The following GLYATL3 variants were observed in gnomAD, a reference collection of about 807,000 sequenced individuals.
GLYATL3 encodes glycine N-acyltransferase-like protein 3.
Under a neutral mutation model 28.5 loss-of-function variants are expected in GLYATL3, and 31 were observed. The ratio of observed to expected loss-of-function variants is 1.09; its 90% CI spans 0.82 to 1.47. The LOEUF (loss-of-function observed/expected upper bound fraction) is 1.47. Among genes scored for constraint, GLYATL3 ranks in the 40% most tolerant of loss-of-function variants. The pLI, the probability that GLYATL3 is intolerant of heterozygous loss-of-function variation, is 0.00. For synonymous variants in GLYATL3, 141 were observed against 140.2 expected, an observed-to-expected ratio of 1.01 and a Z score of -0.04; for missense variants, 369 against 351.5, an observed-to-expected ratio of 1.05 and a Z score of -0.40.
chr6:49,522,252 T>C (rs541725929), intron 5 of GLYATL3, among the ~76,000 whole-genome samples: 8 of 152,276 alleles, frequency 5.3e-5, no homozygotes, highest in African/African-American at 1.9e-4. Context: ...AGGACTATTA[T>C]TATTGCCCCT....
chr6:49,515,602 A>G (rs2127432752), intron 2 of GLYATL3, 51 bp from the exon 3 acceptor site: 3 of 1,015,056 alleles, frequency 3.0e-6, no homozygotes, highest in East Asian at 5.2e-5. Context: ...ATAATATGTG[A>G]GTGAAACAGC....
chr6:49,507,031 G>A (rs777809803), intron 1 of GLYATL3, among the ~76,000 whole-genome samples: 21 of 152,104 alleles, frequency 1.4e-4, no homozygotes, highest in Non-Finnish European at 1.8e-4. Context: ...AGGGGGCAAC[G>A]GCTTAGTAGA....
Position 49,512,079 on chromosome 6 carries a change from A to G in GLYATL3, c.78+11A>G. The G allele has an allele frequency of 9.2e-7, 1 of 1,082,934 alleles. No homozygotes were observed. Among genetic ancestry groups the G allele is most frequent in the Non-Finnish European group, 1.4e-6 (1 of 738,476 alleles). The allele number at this position is 1,082,934 out of a possible 1,614,324, so 67.1% of individuals were successfully genotyped here. A position where few individuals can be genotyped will look rare whatever the true frequency, so the allele number is the denominator to read the frequency against. ...CCTGAATCACTCAAGGTACCATAAA[A>G]TTAATAATTTTATTTTATTTCTTTA... On this transcript the variant is annotated intron_variant, in intron 2 of 5. Coordinates refer to ENST00000371197, the MANE Select transcript of GLYATL3 (RefSeq NM_001010904.2).
chr6:49,505,477 T>C (rs1338311871), intron 1 of GLYATL3, among the ~76,000 whole-genome samples: 4 of 152,202 alleles, frequency 2.6e-5, no homozygotes, highest in African/African-American at 4.8e-5. Context: ...ATAACCTGCC[T>C]TTCCATTACT....
rs1023757811 is a variant in GLYATL3, at chr6:49,526,533, G to C, written c.486G>C (p.Ala162=). 1.3e-6 allele frequency: 2 copies of C among 1,551,710 alleles called. No homozygotes were observed. The highest frequency in any genetic ancestry group is 3.9e-5 in the Admixed American group (2 of 51,000). Residue 162 remains alanine (A), a synonymous_variant, in exon 6 of 6, where the codon GCG becomes GCC. Transcript: ENST00000371197. ...PRLTYLSVAN[A]DLLNRTWSRG... Reference sequence around the variant, plus strand: ...TAACCTACCTGAGTGTTGCCAATGCGGATCTACTCAACCGGACTTGGTCCC... The same window carrying C: ...TAACCTACCTGAGTGTTGCCAATGCCGATCTACTCAACCGGACTTGGTCCC...
At chr6:49,519,167 G>T (rs1769271133) in intron 4 of GLYATL3, among the ~76,000 whole-genome samples, 1 of 152,130 alleles carries the variant, frequency 6.6e-6, no homozygotes, top group Admixed American at 6.6e-5. Flanking sequence ...GTAATAATTG[G>T]ATGGATCTTG....
intron 1 of GLYATL3, among the ~76,000 whole-genome samples, chr6:49,504,430 C>T (rs1010156121): frequency 1.3e-5 from 2 of 151,996 alleles, no homozygotes; most frequent in African/African-American, 4.8e-5. Flanking sequence ...TAAAATAGAG[C>T]CTTTTGACCG....
intron 4 of GLYATL3, among the ~76,000 whole-genome samples, chr6:49,519,118 G>A (rs542827819): frequency 7.2e-5 from 11 of 152,010 alleles, no homozygotes; most frequent in Non-Finnish European, 1.5e-4. Flanking sequence ...ACTTTAACAT[G>A]GAAATGAATA....
chr6:49,517,835 A>G (rs1769244984), intron 4 of GLYATL3, among the ~76,000 whole-genome samples: 2 of 152,130 alleles, frequency 1.3e-5, no homozygotes, highest in Admixed American at 1.3e-4. Context: ...TTTTTCTACT[A>G]TTACTGTAAT....
At chr6:49,501,140 C>T (rs1768904804) in intron 1 of GLYATL3, among the ~76,000 whole-genome samples, 1 of 152,120 alleles carries the variant, frequency 6.6e-6, no homozygotes, top group African/African-American at 2.4e-5. Flanking sequence ...TGGCTCACAC[C>T]TGTAATCCCA....
Position 49,511,981 on chromosome 6 carries a change from T to G in GLYATL3, c.-10T>G, listed in dbSNP as rs141201277. The stretch of plus-strand genomic sequence containing the variant: ...TAATTAGGTGTGGAGTTGCAAGAGC[T>G]CTGGAAAAGATGTTGGTGCTAAACT... On this transcript the variant is annotated 5_prime_UTR_variant, in exon 2 of 6. Coordinates refer to ENST00000371197, the MANE Select transcript of GLYATL3 (RefSeq NM_001010904.2). 395 of 1,421,192 alleles carry G rather than the reference T, an allele frequency of 2.8e-4. No homozygotes were observed. In the African/African-American group the frequency reaches 3.7e-3, roughly 13 times the overall value. 88.0% of individuals were successfully genotyped at this position (1,421,192 alleles called of 1,614,324 possible).
chr6:49,504,235 TTTTTC>T, intron 1 of GLYATL3, among the ~76,000 whole-genome samples: 1 of 29,834 alleles, frequency 3.4e-5, no homozygotes, highest in Admixed American at 6.7e-4. Context: ...TCTTTTTTTC[TTTTTC>T]TTTTTTTTTT....
chr6:49,506,968 T>G (rs1769021868), intron 1 of GLYATL3, among the ~76,000 whole-genome samples: 2 of 152,040 alleles, frequency 1.3e-5, no homozygotes. Context: ...AAAAGGATGA[T>G]GGGAATGAGA....
intron 4 of GLYATL3, 73 bp from the exon 5 acceptor site, chr6:49,521,572 T>C: frequency 7.5e-7 from 1 of 1,332,318 alleles, no homozygotes; most frequent in Non-Finnish European, 1.0e-6. Flanking sequence ...AGTATAAAAT[T>C]ACTGCAACAA....
intron 2 of GLYATL3, among the ~76,000 whole-genome samples, chr6:49,514,788 G>A (rs1188042547): frequency 2.0e-5 from 3 of 152,150 alleles, no homozygotes; most frequent in African/African-American, 7.2e-5. Flanking sequence ...AGCAGAGATA[G>A]CGCCACTGAA....
intron 1 of GLYATL3, among the ~76,000 whole-genome samples, chr6:49,506,892 A>G (rs919164525): frequency 6.6e-6 from 1 of 152,264 alleles, no homozygotes. Flanking sequence ...CAGGATTCTA[A>G]GCCTCTGAAA....
chr6:49,511,699 C>T (rs1052929606), intron 1 of GLYATL3, among the ~76,000 whole-genome samples: 2 of 152,146 alleles, frequency 1.3e-5, no homozygotes, highest in Admixed American at 6.6e-5. Context: ...GCTCTGAAGA[C>T]AGAGTTTAGA....
At chr6:49,522,899 A>G (rs1225452483) in intron 5 of GLYATL3, among the ~76,000 whole-genome samples, 1 of 152,148 alleles carries the variant, frequency 6.6e-6, no homozygotes, top group Admixed American at 6.5e-5. Context: ...ACAACTATAT[A>G]TTCTTTCCAC....
chr6:49,518,387 CT>C (rs1769253934), intron 4 of GLYATL3, among the ~76,000 whole-genome samples: 1 of 152,216 alleles, frequency 6.6e-6, no homozygotes, highest in Non-Finnish European at 1.5e-5. Flanking sequence ...TCAGTGTACA[CT>C]TACTCTTCCA....
Sources: gnomAD v4.1 joint callset for allele counts (sites outside exome capture counted in the v4.1 genomes callset) on GRCh38, gnomAD v4.1.1 for gene constraint, MANE v1.5 for transcripts, NCBI Gene and HGNC (gene_info 2026-07-23, HGNC 2026-07-21) for gene names.